Variants in CHRM3 observed in about 807,000 individuals in gnomAD.
CHRM3 encodes cholinergic receptor muscarinic 3, also known as muscarinic acetylcholine receptor M3.
Under a neutral mutation model 41.8 loss-of-function variants are expected in CHRM3, and 11 were observed. The observed-to-expected ratio is 0.26, with a 90% confidence interval of 0.17 to 0.44. The LOEUF (loss-of-function observed/expected upper bound fraction) is 0.44, where lower values mean the gene tolerates loss of function less well. Ranked by LOEUF, CHRM3 falls within the 20% of genes least tolerant of loss-of-function variation. The pLI, the probability that CHRM3 is intolerant of heterozygous loss-of-function variation, is 1.00. For synonymous variants in CHRM3, 297 were observed against 301.4 expected, an observed-to-expected ratio of 0.99 and a Z score of 0.15; for missense variants, 571 against 745.4, an observed-to-expected ratio of 0.77 and a Z score of 2.72.
At chr1:239,750,117 C>T (rs765694853) in intron 5 of CHRM3, among the ~76,000 whole-genome samples, 1 of 152,166 alleles carries the variant, frequency 6.6e-6, no homozygotes, top group African/African-American at 2.4e-5. Context: ...CTGAACACCC[C>T]CTTTCATGCT....
At chr1:239,397,912 G>C (rs72754652) in intron 1 of CHRM3, among the ~76,000 whole-genome samples, 31,205 of 151,650 alleles carry the variant, frequency 0.21, 4,042 homozygotes, top group Non-Finnish European at 0.3. Context: ...ACACAATAAA[G>C]CATTTGTTGA....
At chr1:239,427,517 C>T (rs920315334) in intron 1 of CHRM3, among the ~76,000 whole-genome samples, 9 of 152,054 alleles carry the variant, frequency 5.9e-5, no homozygotes, top group Middle Eastern at 3.2e-3. Flanking sequence ...TACATGCTGA[C>T]CTCCCTCTCT....
chr1:239,795,344 A>C (rs1466092485), intron 5 of CHRM3, among the ~76,000 whole-genome samples: 1 of 152,188 alleles, frequency 6.6e-6, no homozygotes, highest in African/African-American at 2.4e-5. Flanking sequence ...AAGATCTTCC[A>C]AGAAAATGTA....
rs574033918 is a variant in CHRM3 at position 239,577,661 on chromosome 1, C to T, written c.-313+31912C>T. On this transcript the variant is annotated intron_variant, in intron 3 of 6. Coordinates refer to ENST00000676153, the MANE Select transcript of CHRM3 (RefSeq NM_001375978.1). ...CAGAGTACAAATTACTTAATCATTT[C>T]GCATTGGTACCTGTTCCATTATAGA... Among the ~76,000 whole-genome samples, 227 of 152,300 alleles carry T rather than the reference C, an allele frequency of 1.5e-3. 1 individual carries two copies. Among genetic ancestry groups the T allele is most frequent in the African/African-American group, 4.9e-3 (203 of 41,578 alleles).
At chr1:239,815,647 T>C (rs931915471) in intron 5 of CHRM3, among the ~76,000 whole-genome samples, 15 of 152,226 alleles carry the variant, frequency 9.9e-5, no homozygotes, top group Admixed American at 7.8e-4. Flanking sequence ...CCAGCACATT[T>C]ACCACAGGGT....
intron 3 of CHRM3, among the ~76,000 whole-genome samples, chr1:239,568,532 C>T (rs1040282517): frequency 7.2e-5 from 11 of 152,084 alleles, no homozygotes; most frequent in Admixed American, 5.9e-4. Context: ...TCGGGTATGC[C>T]GTGATCAGCA....
intron 5 of CHRM3, among the ~76,000 whole-genome samples, chr1:239,737,545 T>G (rs1163010488): frequency 6.6e-6 from 1 of 152,172 alleles, no homozygotes; most frequent in Non-Finnish European, 1.5e-5. Context: ...CTCTTAACTT[T>G]GACCTCACTT....
chr1:239,562,580 T>TG (rs1558321139), intron 3 of CHRM3, among the ~76,000 whole-genome samples: 24 of 150,854 alleles, frequency 1.6e-4, no homozygotes, highest in East Asian at 9.9e-4. Flanking sequence ...TGATGATGAT[T>TG]ATTATTATTA....
chr1:239,761,601 A>T (rs1034466761), intron 5 of CHRM3, among the ~76,000 whole-genome samples: 1 of 152,180 alleles, frequency 6.6e-6, no homozygotes, highest in Non-Finnish European at 1.5e-5. Context: ...AGGAACCAAA[A>T]AGTGCCTACT....
intron 2 of CHRM3, among the ~76,000 whole-genome samples, chr1:239,530,800 A>AC (rs1670352638): frequency 6.6e-6 from 1 of 152,056 alleles, no homozygotes; most frequent in Admixed American, 6.6e-5. Context: ...AAAAACAACA[A>AC]AAAAAAAGAA....
chr1:239,415,101 C>T (rs1017192383), intron 1 of CHRM3, among the ~76,000 whole-genome samples: 3 of 152,168 alleles, frequency 2.0e-5, no homozygotes, highest in Non-Finnish European at 4.4e-5. Flanking sequence ...ACAAACAAAT[C>T]ACATAGACAA....
intron 3 of CHRM3, among the ~76,000 whole-genome samples, chr1:239,611,148 T>C (rs1666983050): frequency 6.6e-6 from 1 of 152,130 alleles, no homozygotes; most frequent in Non-Finnish European, 1.5e-5. Context: ...CAATGAACCT[T>C]TGTACAAATA....
intron 5 of CHRM3, among the ~76,000 whole-genome samples, chr1:239,766,055 C>A (rs1421992135): frequency 6.6e-6 from 1 of 152,092 alleles, no homozygotes; most frequent in Non-Finnish European, 1.5e-5. Flanking sequence ...ATCAGGTGAT[C>A]CACCCGCCTT....
chr1:239,756,891 A>G (rs2148619521), intron 5 of CHRM3, among the ~76,000 whole-genome samples: 1 of 152,296 alleles, frequency 6.6e-6, no homozygotes, highest in Middle Eastern at 3.4e-3. Flanking sequence ...GGTATATTTT[A>G]GACTGTTTTT....
At chr1:239,553,404 A>G (rs1054329835) in intron 3 of CHRM3, among the ~76,000 whole-genome samples, 12 of 152,114 alleles carry the variant, frequency 7.9e-5, no homozygotes, top group African/African-American at 2.4e-4. Flanking sequence ...ATGAGAATCT[A>G]TATCTATTTG....
rs1558195806 is a variant in CHRM3 at position 239,404,416 on chromosome 1, A to AAG, written c.-521+17191_-521+17192dup. 3.7e-3 allele frequency among the ~76,000 whole-genome samples: 287 copies of AAG among 78,424 alleles called. 7 individuals are homozygous for AAG. Among genetic ancestry groups the AAG allele is most frequent in the African/African-American group, 8.5e-3 (153 of 18,086 alleles). The allele number at this position is 78,424 out of a possible 152,430, so 51.4% of individuals were successfully genotyped here. On this transcript the variant is annotated intron_variant, in intron 1 of 6. Coordinates refer to ENST00000676153, the MANE Select transcript of CHRM3 (RefSeq NM_001375978.1). ...AGAAAGAAAGAAAGAAAGAAAAAGA[A>AAG]AGAAAGAAAGAAAGAAAGAAAGAAA...
At chr1:239,906,219 A>G (rs1276087385) in intron 6 of CHRM3, among the ~76,000 whole-genome samples, 1 of 152,220 alleles carries the variant, frequency 6.6e-6, no homozygotes, top group Non-Finnish European at 1.5e-5. Flanking sequence ...CACTCTGAGA[A>G]AACTCTGGCA....
rs543488633 is a variant in CHRM3, at chr1:239,429,759, A to G, written c.-521+42532A>G. 3.0e-5 allele frequency among the ~76,000 whole-genome samples: 4 copies of G among 132,290 alleles called. No individual in the cohort carries two copies. The East Asian group carries it at 8.5e-4, about 28-fold the overall frequency. 86.8% of individuals were successfully genotyped at this position (132,290 alleles called of 152,430 possible). On this transcript the variant is annotated intron_variant, in intron 1 of 6. Coordinates refer to ENST00000676153, the MANE Select transcript of CHRM3 (RefSeq NM_001375978.1). ...ATTATTTTCTCCCTTCTGTTAGTAT[A>G]TTTTGTCCATCTTCTCGTAGGGAGT... is the stretch of plus-strand genomic sequence containing the variant.
chr1:239,502,671 TG>T (rs1668314485), intron 2 of CHRM3, among the ~76,000 whole-genome samples: 1 of 152,188 alleles, frequency 6.6e-6, no homozygotes. Context: ...TGAATGTAGA[TG>T]CTAAAATCCT....
Sources: gnomAD v4.1 joint callset for allele counts (sites outside exome capture counted in the v4.1 genomes callset) on GRCh38, gnomAD v4.1.1 for gene constraint, MANE v1.5 for transcripts, NCBI Gene and HGNC (gene_info 2026-07-23, HGNC 2026-07-21) for gene names.